Variants in VPS35L observed in about 807,000 individuals in gnomAD.
VPS35L encodes VPS35 endosomal protein-sorting factor-like.
A neutral mutation model predicts 133.0 loss-of-function variants in VPS35L; 83 were observed. That is an observed-to-expected ratio of 0.62 (90% CI 0.52 to 0.75). The LOEUF is 0.75. Ranked by LOEUF, VPS35L falls within the 30% of genes least tolerant of loss-of-function variation. The probability of loss-of-function intolerance (pLI) is 0.00; values close to 1 mark genes in which losing one functional copy is unlikely to be tolerated. For missense variants in VPS35L, 1,083 were observed against 1,206.8 expected (o/e 0.90, Z 1.52); for synonymous variants, 423 against 449.9 (o/e 0.94, Z 0.76).
rs144228808 is a variant in VPS35L at position 19,637,055 on chromosome 16, G to A, written c.1636-539G>A. ...ATAGGCTATATGTAGCCTGCCACTT[G>A]TTTTTGTGAATAAAGTTTTATTGGC... On this transcript the variant is annotated intron_variant, in intron 19 of 30. Transcript: ENST00000417362. Among the ~76,000 whole-genome samples, 349 of 152,352 alleles carry A rather than the reference G, an allele frequency of 2.3e-3. 2 individuals are homozygous for A. Among genetic ancestry groups the A allele is most frequent in the African/African-American group, 7.7e-3 (320 of 41,578 alleles).
intron 14 of VPS35L, among the ~76,000 whole-genome samples, chr16:19,620,649 C>T (rs576670015): frequency 1.8e-4 from 27 of 152,024 alleles, no homozygotes; most frequent in African/African-American, 5.8e-4. Flanking sequence ...TTACTATGTA[C>T]CCTCAAAAAA....
intron 27 of VPS35L, among the ~76,000 whole-genome samples, chr16:19,670,790 G>A (rs1172965176): frequency 6.6e-6 from 1 of 152,144 alleles, no homozygotes; most frequent in Non-Finnish European, 1.5e-5. Context: ...CTCCCTGGGG[G>A]TCTGGCAGAG....
intron 8 of VPS35L, among the ~76,000 whole-genome samples, chr16:19,599,102 A>G (rs1972303169): frequency 6.6e-6 from 1 of 152,192 alleles, no homozygotes; most frequent in Admixed American, 6.5e-5. Context: ...AGGAGGAAAA[A>G]GGCAGGTGGC....
Position 19,564,918 on chromosome 16 carries a change from T to G in VPS35L, c.85T>G (p.Phe29Val), listed in dbSNP as rs1018659631. Residue 29 changes from phenylalanine to valine, a missense_variant, in exon 2 of 31, where the codon TTT becomes GTT. Phe to Val is a conservative substitution (Grantham distance 50). Transcript: ENST00000417362. ...CCGACTGGAGGCTGTACCATTGGAG[T>G]TTGGGGACTATCACCCTCTGAAACC... is the stretch of plus-strand genomic sequence containing the variant. ...SCRLEAVPLE[F>V]GDYHPLKPIT... is the part of the protein sequence containing the mutation. 2.5e-6 allele frequency: 4 copies of G among 1,613,326 alleles called. No individual in the cohort carries two copies. Among genetic ancestry groups the G allele is most frequent in the Admixed American group, 1.7e-5 (1 of 59,980 alleles).
chr16:19,604,220 A>G (rs542028589), intron 9 of VPS35L, among the ~76,000 whole-genome samples: 1 of 152,080 alleles, frequency 6.6e-6, no homozygotes, highest in African/African-American at 2.4e-5. Context: ...AACCTCTTAA[A>G]AATTTTCATA....
chr16:19,639,938 C>T lies in VPS35L; in HGVS notation c.1699-77C>T, dbSNP rs2304617. The T allele has an allele frequency of 1.4e-4, 186 of 1,290,824 alleles. 2 individuals are homozygous for T. The East Asian group carries it at 3.0e-3, about 21-fold the overall frequency. 80.0% of individuals were successfully genotyped at this position (1,290,824 alleles called of 1,614,324 possible). A position where few individuals can be genotyped will look rare whatever the true frequency, so the allele number is the denominator to read the frequency against. ...CTCTGTTCTGCTTCTTTGAACTCCA[C>T]AGAAAAAGAGACCCACAGATTCCTT... On this transcript the variant is annotated intron_variant, in intron 20 of 30. Transcript: ENST00000417362. The surrounding 1 kb of genome is among the most constrained non-coding windows in gnomAD (Gnocchi z 4.1).
Position 19,555,738 on chromosome 16 carries a change from C to CT in VPS35L, c.12dup (p.Pro5SerfsTer7). 1 of 1,586,110 alleles carries CT rather than the reference C, an allele frequency of 6.3e-7. No individual in the cohort carries two copies. The highest frequency in any genetic ancestry group is 2.2e-5 in the East Asian group (1 of 44,660). On this transcript the variant is annotated frameshift_variant, in exon 1 of 31. Transcript: ENST00000417362. LOFTEE classifies it high-confidence loss of function. Reference sequence around the variant, plus strand: ...GTCATGTGACTGGGAAGATGGCCGTCTTTCCTTGGTAAGGAAGCAGCGGCG... The same window carrying CT: ...GTCATGTGACTGGGAAGATGGCCGTCTTTTCCTTGGTAAGGAAGCAGCGGCG...
At chr16:19,578,002 C>T (rs1010110061) in intron 5 of VPS35L, among the ~76,000 whole-genome samples, 1 of 152,230 alleles carries the variant, frequency 6.6e-6, no homozygotes, top group Non-Finnish European at 1.5e-5. Context: ...AATGAGCCAA[C>T]CCTTTGATCC....
intron 14 of VPS35L, 59 bp downstream of exon 14, chr16:19,616,867 C>T (rs781466576): frequency 6.2e-7 from 1 of 1,610,758 alleles, no homozygotes; most frequent in Non-Finnish European, 8.5e-7. Flanking sequence ...AGCCCCTGCC[C>T]ACTGTGCCCT....
At chr16:19,587,827 T>C (rs1244900396) in intron 7 of VPS35L, among the ~76,000 whole-genome samples, 2 of 140,700 alleles carry the variant, frequency 1.4e-5, no homozygotes, top group Admixed American at 1.5e-4. Flanking sequence ...TGAGACACAG[T>C]CTTGCTCTGT....
At position 19,673,894 on chromosome 16, in the gene VPS35L, C is replaced by T. The variant is rs117175110; in HGVS notation, c.2361+4595C>T. 5.9e-3 allele frequency among the ~76,000 whole-genome samples: 891 copies of T among 152,218 alleles called. 11 individuals are homozygous for T. Among genetic ancestry groups the T allele is most frequent in the Middle Eastern group, 0.017 (5 of 294 alleles). On this transcript the variant is annotated intron_variant, in intron 27 of 30. Transcript: ENST00000417362. ...GAGCTGGGATTTGAACCGAGGGCTA[C>T]GCTATTCCAGAGCCTGTCCTGCATG...
intron 27 of VPS35L, among the ~76,000 whole-genome samples, chr16:19,680,526 CAGAG>C (rs1024744669): frequency 6.6e-6 from 1 of 152,172 alleles, no homozygotes; most frequent in Non-Finnish European, 1.5e-5. Flanking sequence ...TAGCATGAAA[CAGAG>C]AGAACCAGGA....
chr16:19,612,153 G>A (rs1262279302), intron 12 of VPS35L, among the ~76,000 whole-genome samples: 1 of 151,978 alleles, frequency 6.6e-6, no homozygotes, highest in Non-Finnish European at 1.5e-5. Context: ...TGGCCATGAT[G>A]GTCTCAATCT....
chr16:19,587,158 G>T (rs1206897518), intron 7 of VPS35L, among the ~76,000 whole-genome samples: 1 of 152,154 alleles, frequency 6.6e-6, no homozygotes, highest in South Asian at 2.1e-4. Context: ...GATCTCATGA[G>T]AACTGTCTGA....
intron 14 of VPS35L, among the ~76,000 whole-genome samples, chr16:19,622,238 G>A (rs1323784216): frequency 2.0e-5 from 3 of 148,750 alleles, no homozygotes; most frequent in South Asian, 2.1e-4. Context: ...TCTGCCTCCC[G>A]GGTTCAAGCA....
intron 26 of VPS35L, among the ~76,000 whole-genome samples, chr16:19,668,374 C>T (rs2151604501): frequency 6.6e-6 from 1 of 152,276 alleles, no homozygotes; most frequent in East Asian, 1.9e-4. Flanking sequence ...CTTTCACTCC[C>T]TCTCCGTCTT....
Position 19,650,466 on chromosome 16 carries a change from T to A in VPS35L, c.2106+7T>A, listed in dbSNP as rs769563784. ...GACAGCTGCATTTGTCCGGGTATGT[T>A]CTTAAGATAAGGACTGTTGGACCTC... On this transcript the variant is annotated splice_region_variant and intron_variant, in intron 25 of 30. Coordinates refer to ENST00000417362, the MANE Select transcript of VPS35L (RefSeq NM_020314.7). 6 of 1,610,734 alleles carry A rather than the reference T, an allele frequency of 3.7e-6. No homozygotes were observed. The highest frequency in any genetic ancestry group is 5.1e-6 in the Non-Finnish European group (6 of 1,177,010).
intron 28 of VPS35L, 42 bp from the exon 29 acceptor site, chr16:19,691,311 G>A (rs527542438): frequency 1.1e-5 from 17 of 1,530,568 alleles, no homozygotes; most frequent in Middle Eastern, 1.7e-4. Flanking sequence ...CAGCATGGCC[G>A]CGGGGCTTGG....
intron 7 of VPS35L, among the ~76,000 whole-genome samples, chr16:19,584,673 G>A (rs1479162263): frequency 6.7e-6 from 1 of 150,148 alleles, no homozygotes; most frequent in Non-Finnish European, 1.5e-5. Flanking sequence ...ATTCTTATCA[G>A]CATTTTTTTT....
Sources: allele counts gnomAD v4.1 joint callset (sites outside exome capture counted in the v4.1 genomes callset), GRCh38; gene constraint gnomAD v4.1.1; non-coding constraint Gnocchi (gnomAD v3.1); transcripts MANE v1.5; gene names NCBI Gene and HGNC (gene_info 2026-07-23, HGNC 2026-07-21).